DEDD2: variants seen among roughly 807,000 people sequenced by gnomAD.
DEDD2 encodes DNA-binding death effector domain-containing protein 2.
In DEDD2, 18 loss-of-function variants were observed where a neutral mutation model predicts 28.9. That is an observed-to-expected ratio of 0.62 (90% confidence interval 0.43 to 0.92). DEDD2 has a LOEUF of 0.92. Ranked by LOEUF, DEDD2 falls within the 40% of genes least tolerant of loss-of-function variation. The pLI, the probability that DEDD2 is intolerant of heterozygous loss-of-function variation, is 0.00. For synonymous variants in DEDD2, 211 were observed against 206.1 expected (o/e 1.02, Z -0.20); for missense variants, 411 against 463.3 (o/e 0.89, Z 1.04).
At chr19:42,203,276 C>T (rs1449582835) in intron 4 of DEDD2, among the ~76,000 whole-genome samples, 3 of 151,942 alleles carry the variant, frequency 2.0e-5, no homozygotes, top group African/African-American at 7.3e-5. Context: ...TTAGACAGGG[C>T]GAGTTATAGT....
At chr19:42,210,372 A>C (rs1011773949) in intron 3 of DEDD2, among the ~76,000 whole-genome samples, 3 of 152,160 alleles carry the variant, frequency 2.0e-5, no homozygotes, top group Admixed American at 2.0e-4. Flanking sequence ...CAGCAGTAGA[A>C]ATGACATGTC....
chr19:42,216,225 T>C (rs1162996933), intron 2 of DEDD2, among the ~76,000 whole-genome samples: 1 of 152,222 alleles, frequency 6.6e-6, no homozygotes, highest in Non-Finnish European at 1.5e-5. Flanking sequence ...TTGCCCCCAC[T>C]AAACTTAAAC....
At chr19:42,203,447 C>CGAA (rs773987766) in intron 4 of DEDD2, among the ~76,000 whole-genome samples, 3 of 152,336 alleles carry the variant, frequency 2.0e-5, no homozygotes, top group East Asian at 3.9e-4. Context: ...AAATGAACTT[C>CGAA]AGGCCTGCAC....
At chr19:42,213,578 G>A (rs565448072) in intron 3 of DEDD2, among the ~76,000 whole-genome samples, 1 of 152,258 alleles carries the variant, frequency 6.6e-6, no homozygotes, top group South Asian at 2.1e-4. Flanking sequence ...GATTATTCCT[G>A]CTAAAGATGT....
chr19:42,214,468 C>G (rs2035885646), intron 3 of DEDD2, among the ~76,000 whole-genome samples: 1 of 152,022 alleles, frequency 6.6e-6, no homozygotes, highest in Admixed American at 6.6e-5. Flanking sequence ...AAAACAACAA[C>G]AACAACTAGA....
At chr19:42,209,949 AGC>A in intron 3 of DEDD2, 109 bp from the exon 4 acceptor site, 1 of 1,365,840 alleles carries the variant, frequency 7.3e-7, no homozygotes, top group South Asian at 1.5e-5. Flanking sequence ...ACCCTGAGTG[AGC>A]CAGTCTGCCT....
chr19:42,201,939 C>A, intron 4 of DEDD2: 1 of 398,732 alleles, frequency 2.5e-6, no homozygotes, highest in Non-Finnish European at 4.4e-6. Context: ...CCAGGCCACC[C>A]AGGAGTGGTT....
At chr19:42,209,151 G>C (rs2035647054) in intron 4 of DEDD2, among the ~76,000 whole-genome samples, 1 of 152,074 alleles carries the variant, frequency 6.6e-6, no homozygotes, top group Non-Finnish European at 1.5e-5. Flanking sequence ...TGAGGCAGGA[G>C]AACTGCTTGA....
At chr19:42,213,989 G>A (rs552695887) in intron 3 of DEDD2, among the ~76,000 whole-genome samples, 1 of 152,158 alleles carries the variant, frequency 6.6e-6, no homozygotes, top group East Asian at 1.9e-4. Context: ...GCCTAATTTA[G>A]GGGTAAAGCA....
intron 4 of DEDD2, among the ~76,000 whole-genome samples, chr19:42,207,410 T>A (rs1320796771): frequency 6.6e-6 from 1 of 152,028 alleles, no homozygotes; most frequent in East Asian, 1.9e-4. Context: ...CATGCCAGCA[T>A]CTCACCAGCT....
Position 42,209,691 on chromosome 19 carries a change from G to T in DEDD2, c.589+9C>A. On this transcript the variant is annotated intron_variant, in intron 4 of 4. Coordinates refer to ENST00000596251, the MANE Select transcript of DEDD2 (RefSeq NM_133328.4). Reference sequence around the variant, plus strand: ...TCTACATGCATTGCCAAAGCCTACAGACACCTACCACAGGTCACTTTGCCT... The same window carrying T: ...TCTACATGCATTGCCAAAGCCTACATACACCTACCACAGGTCACTTTGCCT... 1 of 1,606,816 alleles carries T rather than the reference G, an allele frequency of 6.2e-7. No individual in the cohort carries two copies. The highest frequency in any genetic ancestry group is 1.1e-5 in the South Asian group (1 of 90,550).
intron 4 of DEDD2, among the ~76,000 whole-genome samples, chr19:42,201,510 A>G (rs539297546): frequency 6.6e-6 from 1 of 152,370 alleles, no homozygotes; most frequent in East Asian, 1.9e-4. Context: ...ATGCAGTAGA[A>G]TCAGCCCTGT....
chr19:42,217,910 G>A (rs2036052781), upstream of DEDD2, among the ~76,000 whole-genome samples: 1 of 152,184 alleles, frequency 6.6e-6, no homozygotes, highest in Non-Finnish European at 1.5e-5. Context: ...GGCTGTATCT[G>A]GTACCCGGTT....
chr19:42,210,026 T>C (rs970575922), intron 3 of DEDD2, among the ~76,000 whole-genome samples, 186 bp from the exon 4 acceptor site: 1 of 151,950 alleles, frequency 6.6e-6, no homozygotes. Context: ...GAAGGGCAAA[T>C]GAGTACACCC....
At chr19:42,215,587 C>G (rs530866337) in intron 2 of DEDD2, among the ~76,000 whole-genome samples, 1 of 152,290 alleles carries the variant, frequency 6.6e-6, no homozygotes, top group Non-Finnish European at 1.5e-5. Flanking sequence ...TGTGCAGGCT[C>G]CCCAAATCTT....
chr19:42,219,717 C>G (rs1260780574), upstream of DEDD2, among the ~76,000 whole-genome samples: 1 of 152,240 alleles, frequency 6.6e-6, no homozygotes, highest in African/African-American at 2.4e-5. Context: ...CTGGGCTAAA[C>G]TCACAAGGGG....
chr19:42,208,337 T>C (rs1315057012), intron 4 of DEDD2, among the ~76,000 whole-genome samples: 4 of 150,478 alleles, frequency 2.7e-5, no homozygotes, highest in Non-Finnish European at 5.9e-5. Context: ...CTAGGTCACT[T>C]CTCCTCACCC....
At position 42,216,951 on chromosome 19, in the gene DEDD2, G is replaced by A. The variant is rs200962283; in HGVS notation, c.57C>T (p.Asp19=). The A allele has an allele frequency of 9.4e-6, 15 of 1,602,752 alleles. No homozygotes were observed. In the East Asian group the frequency reaches 2.7e-4, roughly 29 times the overall value. The change falls in exon 2 of 5, where the codon GAC becomes GAT. Residue 19 remains aspartate (D), a synonymous_variant. Transcript: ENST00000596251. ...APCWEEDECL[D]YYGMLSLHRM... ...GGTGAAGCGACAGCATCCCGTAGTA[G>A]TCCAGGCACTCATCCTCCTCCCAGC...
At chr19:42,214,028 G>A (rs144410495) in intron 3 of DEDD2, among the ~76,000 whole-genome samples, 1 of 152,060 alleles carries the variant, frequency 6.6e-6, no homozygotes, top group Non-Finnish European at 1.5e-5. Context: ...ACTTTCAAAG[G>A]GTTCAACAAA....
Sources: allele counts gnomAD v4.1 joint callset (sites outside exome capture counted in the v4.1 genomes callset), GRCh38; gene constraint gnomAD v4.1.1; transcripts MANE v1.5; gene names NCBI Gene and HGNC (gene_info 2026-07-23, HGNC 2026-07-21).